Variants in TTC6 observed in about 807,000 individuals in gnomAD.
TTC6 encodes the protein tetratricopeptide repeat domain 6.
In TTC6, 172 loss-of-function variants were observed where a neutral mutation model predicts 210.4. The observed-to-expected ratio is 0.82, with a 90% CI of 0.72 to 0.93. The LOEUF is 0.93. TTC6 is among the 40% of genes least tolerant of loss of function. The pLI, the probability that TTC6 is intolerant of heterozygous loss-of-function variation, is 0.00. For synonymous variants in TTC6, 804 were observed against 819.6 expected (o/e 0.98, Z 0.32); for missense variants, 2,414 against 2,318.1 (o/e 1.04, Z -0.85).
At chr14:37,804,000 A>G (rs2096112816) in intron 20 of TTC6, among the ~76,000 whole-genome samples, 2 of 152,248 alleles carry the variant, frequency 1.3e-5, no homozygotes, top group Non-Finnish European at 2.9e-5. Flanking sequence ...TACAGTGGGT[A>G]GTTAAGTATT....
intron 20 of TTC6, 91 bp from the exon 23 acceptor site, chr14:37,804,589 C>A: frequency 6.7e-7 from 1 of 1,491,484 alleles, no homozygotes; most frequent in South Asian, 1.3e-5. Flanking sequence ...GGTGTGTGCT[C>A]TGTGCTCCTT....
intron 3 of TTC6, among the ~76,000 whole-genome samples, chr14:37,690,140 G>A (rs2095801034): frequency 6.6e-6 from 1 of 152,012 alleles, no homozygotes; most frequent in Admixed American, 6.6e-5. Flanking sequence ...TGCAAACAGT[G>A]TTAGGTTGTT....
chr14:37,698,561 C>A (rs1289927158), intron 4 of TTC6, among the ~76,000 whole-genome samples: 1 of 152,016 alleles, frequency 6.6e-6, no homozygotes, highest in Non-Finnish European at 1.5e-5. Context: ...GCTTTCTGGA[C>A]ACCCCCTTTC....
chr14:37,724,394 T>C (rs1376981347), intron 6 of TTC6, among the ~76,000 whole-genome samples: 1 of 152,210 alleles, frequency 6.6e-6, no homozygotes, highest in African/African-American at 2.4e-5. Flanking sequence ...GCTTATTTTC[T>C]TCTCAATACC....
At chr14:37,670,734 G>C (rs1265087559) in intron 1 of TTC6, among the ~76,000 whole-genome samples, 1 of 151,852 alleles carries the variant, frequency 6.6e-6, no homozygotes, top group Non-Finnish European at 1.5e-5. Context: ...GCCTCCCAAA[G>C]TGCTGGGATT....
intron 1 of TTC6, among the ~76,000 whole-genome samples, chr14:37,639,129 G>T (rs35030337): frequency 0.056 from 8,474 of 152,206 alleles, 363 homozygotes; most frequent in Non-Finnish European, 0.087. Flanking sequence ...TTCTTTTAAG[G>T]AGCTGCATAT....
At chr14:37,617,114 G>C (rs1017976900), upstream of TTC6, among the ~76,000 whole-genome samples, 1 of 152,138 alleles carries the variant, frequency 6.6e-6, no homozygotes, top group Admixed American at 6.5e-5. Context: ...GGGCTCAAGC[G>C]ATTCTCCCTT....
rs143600494 is a variant in TTC6, at chr14:37,691,048, G to C, written c.1258-5669G>C. 1.1e-4 allele frequency among the ~76,000 whole-genome samples: 17 copies of C among 151,902 alleles called. No individual in the cohort carries two copies. The East Asian group carries it at 3.1e-3, about 28-fold the overall frequency. Reference sequence around the variant, plus strand: ...TCTCTGACCACAATAGAGTAAAACCGGTCAGGTGTGGTGGCTCACATCTGC... The same window carrying C: ...TCTCTGACCACAATAGAGTAAAACCCGTCAGGTGTGGTGGCTCACATCTGC... On this transcript the variant is annotated intron_variant, in intron 3 of 30. Transcript: ENST00000553443.
intron 5 of TTC6, among the ~76,000 whole-genome samples, chr14:37,705,284 A>C (rs770393696): frequency 6.6e-6 from 1 of 152,164 alleles, no homozygotes; most frequent in Non-Finnish European, 1.5e-5. Context: ...CAACAATGGA[A>C]AAACCAAAGG....
intron 7 of TTC6, among the ~76,000 whole-genome samples, chr14:37,727,047 C>T (rs1000571533): frequency 3.3e-5 from 5 of 151,532 alleles, no homozygotes; most frequent in African/African-American, 1.2e-4. Context: ...TATACTCATA[C>T]CAGTATAACA....
At chr14:37,726,316 G>A (rs2095873012) in intron 7 of TTC6, among the ~76,000 whole-genome samples, 1 of 152,158 alleles carries the variant, frequency 6.6e-6, no homozygotes, top group Non-Finnish European at 1.5e-5. Flanking sequence ...TTCAGTTCAT[G>A]TATGCTGTTG....
At chr14:37,822,946 G>A (rs902277636) in intron 26 of TTC6, among the ~76,000 whole-genome samples, 5 of 152,154 alleles carry the variant, frequency 3.3e-5, no homozygotes, top group Admixed American at 6.6e-5. Flanking sequence ...CATATGTTAA[G>A]TATTTAGCAC....
At chr14:37,761,130 A>G (rs547940152) in intron 14 of TTC6, among the ~76,000 whole-genome samples, 2 of 152,138 alleles carry the variant, frequency 1.3e-5, no homozygotes, top group Non-Finnish European at 2.9e-5. Context: ...CTTGAAACCC[A>G]GGGTCCTTGT....
chr14:37,768,022 C>T (rs1386766866), intron 14 of TTC6, among the ~76,000 whole-genome samples: 11 of 150,022 alleles, frequency 7.3e-5, no homozygotes, highest in South Asian at 2.1e-4. Context: ...TACATATGGC[C>T]AGCCAGTTTT....
intron 6 of TTC6, among the ~76,000 whole-genome samples, chr14:37,716,650 A>G (rs994090644): frequency 6.6e-6 from 1 of 152,148 alleles, no homozygotes; most frequent in Admixed American, 6.5e-5. Flanking sequence ...TAAAAAATAT[A>G]TGCATCAGAC....
chr14:37,750,681 G>A (rs1490561663), intron 12 of TTC6, among the ~76,000 whole-genome samples: 1 of 152,126 alleles, frequency 6.6e-6, no homozygotes, highest in East Asian at 1.9e-4. Flanking sequence ...GAGCCTAGGA[G>A]TTTGAGACCA....
intron 29 of TTC6, among the ~76,000 whole-genome samples, chr14:37,840,848 G>A (rs2096208369): frequency 6.7e-6 from 1 of 148,474 alleles, no homozygotes; most frequent in Non-Finnish European, 1.5e-5. Flanking sequence ...TCTGGGATTT[G>A]GGGTAAGAGG....
chr14:37,792,060 C>T (rs1009363231), intron 16 of TTC6, among the ~76,000 whole-genome samples: 1 of 152,144 alleles, frequency 6.6e-6, no homozygotes, highest in Non-Finnish European at 1.5e-5. Context: ...ACCTTAAAAA[C>T]ATTAATTCCT....
intron 3 of TTC6, 71 bp downstream of exon 5, chr14:37,683,035 GC>G: frequency 7.0e-7 from 1 of 1,429,258 alleles, no homozygotes. Context: ...TGAAGAATTG[GC>G]CCAGGCAAGG....
Sources: gnomAD v4.1 joint callset for allele counts (sites outside exome capture counted in the v4.1 genomes callset) on GRCh38, gnomAD v4.1.1 for gene constraint, MANE v1.5 for transcripts, NCBI Gene and HGNC (gene_info 2026-07-23, HGNC 2026-07-21) for gene names.